Variants in RAB5IF observed in about 807,000 individuals in gnomAD.
RAB5IF encodes the protein RAB5 interacting factor, also known as GEL complex subunit OPTI.
RAB5IF carries 15 observed loss-of-function variants against 20.3 expected under a neutral mutation model. The observed-to-expected ratio is 0.74, with a 90% CI of 0.50 to 1.14. The LOEUF is 1.14. Among genes scored for constraint, RAB5IF ranks in the 50% most tolerant of loss-of-function variants. RAB5IF has a pLI of 0.00. For synonymous variants in RAB5IF, 67 were observed against 63.7 expected (o/e 1.05, Z -0.25); for missense variants, 148 against 159.5 (o/e 0.93, Z 0.39).
chr20:36,608,083 C>A, intron 2 of RAB5IF: 1 of 712,048 alleles, frequency 1.4e-6, no homozygotes, highest in Non-Finnish European at 2.1e-6. Context: ...ATGCAAGAGG[C>A]TATGACTACT....
intron 2 of RAB5IF, among the ~76,000 whole-genome samples, chr20:36,609,114 A>G (rs2039007049): frequency 6.7e-6 from 1 of 149,870 alleles, no homozygotes; most frequent in African/African-American, 2.5e-5. Flanking sequence ...GGGATGGCTT[A>G]TCAGCCATTC....
intron 3 of RAB5IF, among the ~76,000 whole-genome samples, chr20:36,610,973 A>C (rs890054141): frequency 1.3e-5 from 2 of 152,158 alleles, no homozygotes; most frequent in Non-Finnish European, 2.9e-5. Context: ...AACTGTTCCT[A>C]TACAGAAAGC....
intron 2 of RAB5IF, among the ~76,000 whole-genome samples, chr20:36,609,230 CACACACACACACACACACACACACACTA>C (rs1568595668): frequency 4.7e-5 from 6 of 126,936 alleles, no homozygotes; most frequent in African/African-American, 1.7e-4. Flanking sequence ...CACACACACA[CACACACACACACACACACACACACACTA>C]TATATAGAGT....
At chr20:36,611,663 G>A (rs6028355) in intron 3 of RAB5IF, among the ~76,000 whole-genome samples, 3,840 of 152,096 alleles carry the variant, frequency 0.025, 168 homozygotes, top group African/African-American at 0.087. Flanking sequence ...ATATGCAGCT[G>A]ACAAGTTATA....
At chr20:36,609,156 T>TACATACATACATAGACAC in intron 2 of RAB5IF, among the ~76,000 whole-genome samples, 1 of 17,064 alleles carries the variant, frequency 5.9e-5, no homozygotes, top group Admixed American at 6.2e-4. Flanking sequence ...AGAACTATAT[T>TACATACATACATAGACAC]ACACACACAC....
chr20:36,609,156 T>C (rs1311058902), intron 2 of RAB5IF, among the ~76,000 whole-genome samples: 8 of 17,052 alleles, frequency 4.7e-4, no homozygotes, highest in Admixed American at 6.2e-4. Flanking sequence ...AGAACTATAT[T>C]ACACACACAC....
At position 36,606,172 on chromosome 20, in the gene RAB5IF, A is replaced by G. The variant is rs1008424050; in HGVS notation, c.114+107A>G. 1.0e-5 allele frequency: 7 copies of G among 667,236 alleles called. No individual in the cohort carries two copies. In the African/African-American group the frequency reaches 1.1e-4, roughly 11 times the overall value. 41.3% of individuals were successfully genotyped at this position (667,236 alleles called of 1,614,324 possible). A position where few individuals can be genotyped will look rare whatever the true frequency, so the allele number is the denominator to read the frequency against. On this transcript the variant is annotated intron_variant, in intron 1 of 3. Transcript: ENST00000344795. ...CGTCCTCGTTCCGGCACAATCGAGTAGGGCAGTGGGGCGGGTGGCCCAAGG... is the reference window on the plus strand; with the variant it reads ...CGTCCTCGTTCCGGCACAATCGAGTGGGGCAGTGGGGCGGGTGGCCCAAGG...
chr20:36,607,974 G>A (rs1460605037), intron 2 of RAB5IF, 156 bp downstream of exon 2: 1 of 1,498,342 alleles, frequency 6.7e-7, no homozygotes, highest in Non-Finnish European at 9.0e-7. Flanking sequence ...CCTGGGTCTG[G>A]TGCACCACTC....
intron 2 of RAB5IF, among the ~76,000 whole-genome samples, chr20:36,609,106 GA>G (rs2039006607): frequency 6.6e-6 from 1 of 150,400 alleles, no homozygotes; most frequent in Non-Finnish European, 1.5e-5. Flanking sequence ...TCCCGCTTGG[GA>G]TGGCTTATCA....
chr20:36,608,614 C>T (rs912981246), intron 2 of RAB5IF, among the ~76,000 whole-genome samples: 2 of 143,006 alleles, frequency 1.4e-5, no homozygotes, highest in Non-Finnish European at 3.0e-5. Flanking sequence ...CCCAGGCAGG[C>T]GTGTACTGGC....
intron 2 of RAB5IF, chr20:36,608,079 G>A (rs773979988): frequency 4.1e-5 from 32 of 784,164 alleles, no homozygotes; most frequent in Non-Finnish European, 5.7e-5. Context: ...CCTCATGCAA[G>A]AGGCTATGAC....
chr20:36,609,211 G>A (rs1291175), intron 2 of RAB5IF, among the ~76,000 whole-genome samples: 28,196 of 36,326 alleles, frequency 0.78, 12,569 homozygotes, highest in East Asian at 0.93. Flanking sequence ...ACGCACACAC[G>A]CACACACGCA....
chr20:36,607,661 C>T, intron 1 of RAB5IF, 54 bp from the exon 2 acceptor site: 2 of 1,601,656 alleles, frequency 1.2e-6, no homozygotes, highest in Admixed American at 1.7e-5. Flanking sequence ...TCCCCTTTTG[C>T]TGTCTTGTGG....
intron 1 of RAB5IF, among the ~76,000 whole-genome samples, chr20:36,607,126 A>T (rs981565090): frequency 6.6e-6 from 1 of 152,174 alleles, no homozygotes; most frequent in Admixed American, 6.5e-5. Flanking sequence ...TATGGTTCTA[A>T]TCCGTATGTG....
chr20:36,612,325 A>G lies in RAB5IF; in HGVS notation c.*274A>G. On this transcript the variant is annotated 3_prime_UTR_variant, in exon 4 of 4. Transcript: ENST00000344795. Reference sequence around the variant, plus strand: ...ATCAAGTAACAGCTATTATTTGCCAAGTGGAGCTGTCATTTAATTTGATGC... The same window carrying G: ...ATCAAGTAACAGCTATTATTTGCCAGGTGGAGCTGTCATTTAATTTGATGC... The G allele has an allele frequency of 1.8e-6, 2 of 1,085,434 alleles. No homozygotes were observed. The highest frequency in any genetic ancestry group is 1.3e-5 in the South Asian group (1 of 74,692). The allele number at this position is 1,085,434 out of a possible 1,614,324, so 67.2% of individuals were successfully genotyped here.
intron 2 of RAB5IF, among the ~76,000 whole-genome samples, chr20:36,609,245 A>C (rs1600804557): frequency 3.8e-5 from 5 of 133,124 alleles, no homozygotes; most frequent in South Asian, 2.3e-4. Context: ...ACACACACAC[A>C]CACACACACA....
At chr20:36,608,215 C>T (rs746719093) in intron 2 of RAB5IF, 27 of 291,118 alleles carry the variant, frequency 9.3e-5, no homozygotes, top group Non-Finnish European at 1.6e-4. Flanking sequence ...ATGTCCTAAA[C>T]CTTGGCTTTG....
chr20:36,612,024 C>T lies in RAB5IF; in HGVS notation c.363C>T (p.Ile121=). 6.2e-7 allele frequency: 1 copy of T among 1,614,198 alleles called. No individual in the cohort carries two copies. Among genetic ancestry groups the T allele is most frequent in the Non-Finnish European group, 8.5e-7 (1 of 1,180,032 alleles). The change falls in exon 4 of 4, where the codon ATC becomes ATT. Residue 121 remains isoleucine (I), a synonymous_variant. Transcript: ENST00000344795. ...SFALFMVIWI[I]FYTAIHYD ...CTCCTCACTAGGTCATTTGGATCAT[C>T]TTTTACACTGCCATCCATTATGACT...
At position 36,609,158 on chromosome 20, in the gene RAB5IF, C is replaced by CATACATACATACAT; in HGVS notation, c.219-442_219-441insTACATACATACATA. Among the ~76,000 whole-genome samples, 20 of 9,634 alleles carry CATACATACATACAT rather than the reference C, an allele frequency of 2.1e-3. 1 individual carries two copies. The highest frequency in any genetic ancestry group is 4.2e-3 in the South Asian group (1 of 240). 6.3% of individuals were successfully genotyped at this position (9,634 alleles called of 152,430 possible). ...CAAGGGGCTTTGGAGAACTATATTA[C>CATACATACATACAT]ACACACACACACACACACACACACA... On this transcript the variant is annotated intron_variant, in intron 2 of 3. Transcript: ENST00000344795.
Sources: gnomAD v4.1 joint callset for allele counts (sites outside exome capture counted in the v4.1 genomes callset) on GRCh38, gnomAD v4.1.1 for gene constraint, MANE v1.5 for transcripts, NCBI Gene and HGNC (gene_info 2026-07-23, HGNC 2026-07-21) for gene names.